Variants in PISD observed in about 807,000 individuals in gnomAD.
PISD encodes phosphatidylserine decarboxylase.
Under a neutral mutation model 43.5 loss-of-function variants are expected in PISD, and 31 were observed. The ratio of observed to expected loss-of-function variants is 0.71; its 90% confidence interval spans 0.54 to 0.96. The LOEUF is 0.96. Among genes scored for constraint, PISD ranks in the 40% least tolerant of loss-of-function variants. The pLI is 0.00. For synonymous variants in PISD, 259 were observed against 228.7 expected, an observed-to-expected ratio of 1.13 and a Z score of -1.20; for missense variants, 523 against 548.4, an observed-to-expected ratio of 0.95 and a Z score of 0.46.
intron 2 of PISD, among the ~76,000 whole-genome samples, chr22:31,649,849 A>G (rs1013642021): frequency 6.6e-6 from 1 of 152,226 alleles, no homozygotes; most frequent in Non-Finnish European, 1.5e-5. Flanking sequence ...ACATGCACAC[A>G]TGGAGAATAC....
chr22:31,649,281 G>A (rs538076611), intron 2 of PISD, among the ~76,000 whole-genome samples: 9 of 152,156 alleles, frequency 5.9e-5, no homozygotes, highest in Admixed American at 1.3e-4. Flanking sequence ...AAATACATTG[G>A]CCAATAAGCA....
rs559520500 is a variant in PISD, at chr22:31,618,740, A to G, written c.*872T>C. 3 of 243,988 alleles carry G rather than the reference A, an allele frequency of 1.2e-5. No individual in the cohort carries two copies. The highest frequency in any genetic ancestry group is 1.3e-4 in the South Asian group (1 of 7,472). 15.1% of individuals were successfully genotyped at this position (243,988 alleles called of 1,614,324 possible). On this transcript the variant is annotated 3_prime_UTR_variant, in exon 8 of 8. Coordinates refer to ENST00000439502, the MANE Select transcript of PISD (RefSeq NM_001326411.2). Reference sequence around the variant, plus strand: ...GGACAGGTTTTCCAGGCACTGACCAACTATCCACCAAGGGTCCTCTGCCTC... The same window carrying G: ...GGACAGGTTTTCCAGGCACTGACCAGCTATCCACCAAGGGTCCTCTGCCTC...
chr22:31,620,099 G>A (rs2072432923), intron 7 of PISD, among the ~76,000 whole-genome samples: 1 of 152,210 alleles, frequency 6.6e-6, no homozygotes, highest in Non-Finnish European at 1.5e-5. Flanking sequence ...CATGGTGCTG[G>A]GAGAGCAGCA....
chr22:31,632,349 T>C, intron 3 of PISD: 1 of 475,162 alleles, frequency 2.1e-6, no homozygotes, highest in Non-Finnish European at 2.7e-6. Flanking sequence ...GTGCCACCCC[T>C]AAGGGCCTCA....
At chr22:31,655,671 G>A (rs111584003) in intron 1 of PISD, among the ~76,000 whole-genome samples, 8,313 of 151,556 alleles carry the variant, frequency 0.055, 210 homozygotes, top group Non-Finnish European at 0.065. Flanking sequence ...GTCTCGCTCC[G>A]TCACCCAGGC....
rs924140749 is a variant in PISD at position 31,621,732 on chromosome 22, G to A, written c.475C>T (p.Leu159=). 8.7e-6 allele frequency: 14 copies of A among 1,614,038 alleles called. No individual in the cohort carries two copies. Among genetic ancestry groups the A allele is most frequent in the Non-Finnish European group, 1.1e-5 (13 of 1,180,052 alleles). ...TCGCTGAGGTTGCGGTAGTGATGCA[G>A]GTCCTCCACAGCGGCCTCTTTCATG... ...VNMKEAAVED[L]HHYRNLSEFF... is the part of the protein sequence containing the mutation. Residue 159 remains leucine (L), a synonymous_variant, in exon 4 of 8, where the codon CTG becomes TTG. Coordinates refer to ENST00000439502, the MANE Select transcript of PISD (RefSeq NM_001326411.2).
At position 31,621,898 on chromosome 22, in the gene PISD, G is replaced by C. The variant is rs2072604026; in HGVS notation, c.322-13C>G. 6.3e-7 allele frequency: 1 copy of C among 1,591,832 alleles called. No individual in the cohort carries two copies. Among genetic ancestry groups the C allele is most frequent in the Admixed American group, 1.7e-5 (1 of 59,984 alleles). The stretch of plus-strand genomic sequence containing the variant: ...TGTACAAAGCCACCTGCAGGCCACA[G>C]GGCAAGGGGCTGAGTTGACCACACT... On this transcript the variant is annotated splice_polypyrimidine_tract_variant and intron_variant, in intron 3 of 7. Coordinates refer to ENST00000439502, the MANE Select transcript of PISD (RefSeq NM_001326411.2).
At chr22:31,645,867 A>C (rs2073872671) in intron 3 of PISD, among the ~76,000 whole-genome samples, 1 of 149,848 alleles carries the variant, frequency 6.7e-6, no homozygotes. Context: ...AAAAAAAAAA[A>C]AAAGAAAAGA....
chr22:31,637,156 AAAAAAAAAATATAT>A (rs1182756648), intron 3 of PISD, among the ~76,000 whole-genome samples: 44 of 42,390 alleles, frequency 1.0e-3, no homozygotes, highest in African/African-American at 2.4e-3. Context: ...AAAAAAAAAA[AAAAAAAAAATATAT>A]ATATATATAT....
intron 3 of PISD, among the ~76,000 whole-genome samples, chr22:31,622,489 C>A (rs2072639508): frequency 6.6e-6 from 1 of 152,228 alleles, no homozygotes; most frequent in East Asian, 1.9e-4. Flanking sequence ...GCAGCCCCCA[C>A]AGGTCCAGCC....
At chr22:31,658,561 G>GT (rs1301463045) in intron 1 of PISD, among the ~76,000 whole-genome samples, 3 of 143,576 alleles carry the variant, frequency 2.1e-5, no homozygotes, top group Non-Finnish European at 3.0e-5. Flanking sequence ...TTGTTTGTTT[G>GT]TTTTTTGAGA....
intron 2 of PISD, among the ~76,000 whole-genome samples, chr22:31,649,242 G>A (rs2073969207): frequency 2.0e-5 from 3 of 151,914 alleles, no homozygotes; most frequent in Admixed American, 6.6e-5. Flanking sequence ...AATGTGCAAA[G>A]GATTTGAATA....
At chr22:31,620,818 T>C (rs2072515653) in intron 6 of PISD, 105 bp from the exon 7 acceptor site, 1 of 1,472,536 alleles carries the variant, frequency 6.8e-7, no homozygotes, top group African/African-American at 1.4e-5. Context: ...CCGATGTCAC[T>C]CCAAATGCTG....
intron 1 of PISD, among the ~76,000 whole-genome samples, chr22:31,659,656 A>T (rs1329949481): frequency 6.6e-6 from 1 of 151,766 alleles, no homozygotes. Flanking sequence ...CAGTGGCGTG[A>T]TCTCGGCTCA....
Position 31,631,210 on chromosome 22 carries a change from C to T in PISD, c.322-9325G>A, listed in dbSNP as rs191507406. ...CGTGGCTGGCCTCCCAAAGCAGCTG[C>T]CTCCCCTCCACCACCCGCGACCCAA... On this transcript the variant is annotated intron_variant, in intron 3 of 7. Transcript: ENST00000439502. 4.5e-4 allele frequency among the ~76,000 whole-genome samples: 69 copies of T among 152,288 alleles called. No homozygotes were observed. In the East Asian group the frequency reaches 0.01, roughly 23 times the overall value.
chr22:31,619,784 C>T lies in PISD; in HGVS notation c.1058G>A (p.Ser353Asn), dbSNP rs2072384472. 4 of 1,614,222 alleles carry T rather than the reference C, an allele frequency of 2.5e-6. No individual in the cohort carries two copies. The highest frequency in any genetic ancestry group is 1.1e-5 in the South Asian group (1 of 91,086). The change falls in exon 8 of 8, where the codon AGC becomes AAC. Residue 353 changes from serine (S) to asparagine (N), a missense_variant. Ser to Asn is a conservative substitution (Grantham distance 46, BLOSUM62 1). Transcript: ENST00000439502. The part of the protein sequence containing the change: ...RHSKGSYNDF[S>N]FVTHTNREGV... ...CTCTCTATTGGTGTGCGTCACGAAG[C>T]TGAAGTCATTGTAGGAGCCCTTGCT...
intron 1 of PISD, among the ~76,000 whole-genome samples, chr22:31,651,684 G>A (rs1158945461): frequency 3.9e-5 from 6 of 152,070 alleles, no homozygotes; most frequent in Non-Finnish European, 8.8e-5. Context: ...GGAGGCAGAG[G>A]TTGAGATGAG....
intron 3 of PISD, chr22:31,628,053 G>A: frequency 4.1e-6 from 4 of 985,492 alleles, no homozygotes; most frequent in Non-Finnish European, 3.6e-6. Context: ...TTAGATCCTT[G>A]TCTTTATCAC....
intron 1 of PISD, among the ~76,000 whole-genome samples, chr22:31,661,658 G>A (rs776925938): frequency 2.2e-4 from 33 of 152,106 alleles, no homozygotes; most frequent in Non-Finnish European, 4.0e-4. Flanking sequence ...ACAGCTGGGG[G>A]TCACAAGGGT....
Sources: allele counts gnomAD v4.1 joint callset (sites outside exome capture counted in the v4.1 genomes callset), GRCh38; gene constraint gnomAD v4.1.1; transcripts MANE v1.5; gene names NCBI Gene and HGNC (gene_info 2026-07-23, HGNC 2026-07-21).